The following MACROD1 variants were observed in gnomAD, a reference collection of about 807,000 sequenced individuals.
MACROD1 encodes ADP-ribose glycohydrolase MACROD1.
MACROD1 carries 31 observed loss-of-function variants against 41.4 expected under a neutral mutation model. That is an observed-to-expected ratio of 0.75 (90% CI 0.56 to 1.01). The LOEUF (loss-of-function observed/expected upper bound fraction) is 1.01. Among genes scored for constraint, MACROD1 ranks in the 50% least tolerant of loss-of-function variants. The probability of loss-of-function intolerance (pLI) is 0.00; values close to 1 mark genes in which losing one functional copy is unlikely to be tolerated. For missense variants in MACROD1, 473 were observed against 460.0 expected (o/e 1.03, Z -0.26); for synonymous variants, 252 against 203.4 (o/e 1.24, Z -2.03).
chr11:64,050,377 T>G (rs1299393380), intron 3 of MACROD1, among the ~76,000 whole-genome samples: 1 of 152,222 alleles, frequency 6.6e-6, no homozygotes, highest in African/African-American at 2.4e-5. Flanking sequence ...TAGGGGCAGC[T>G]GGACACGTAG....
chr11:64,164,084 G>T (rs1945797608), intron 1 of MACROD1, among the ~76,000 whole-genome samples: 1 of 152,216 alleles, frequency 6.6e-6, no homozygotes, highest in Admixed American at 6.5e-5. Flanking sequence ...TGTCTCAGCT[G>T]CTAGAACACA....
At position 64,000,207 on chromosome 11, in the gene MACROD1, G is replaced by C; in HGVS notation, c.664+20C>G. On this transcript the variant is annotated intron_variant, in intron 5 of 10. Coordinates refer to ENST00000255681, the MANE Select transcript of MACROD1 (RefSeq NM_014067.4). ...GCGCCCTGTCTGCGCCCCACAGCTG[G>C]GGGCGCGTCGGGGACTCACACTTGG... 1 of 1,594,762 alleles carries C rather than the reference G, an allele frequency of 6.3e-7. No homozygotes were observed. Among genetic ancestry groups the C allele is most frequent in the Non-Finnish European group, 8.5e-7 (1 of 1,169,630 alleles).
chr11:64,153,457 G>A (rs1328620110), intron 1 of MACROD1, among the ~76,000 whole-genome samples: 2 of 152,022 alleles, frequency 1.3e-5, no homozygotes, highest in African/African-American at 4.8e-5. Context: ...CTATGCACAT[G>A]GCAGTGAGGG....
At chr11:64,133,138 C>T (rs569925854) in intron 3 of MACROD1, among the ~76,000 whole-genome samples, 10 of 152,318 alleles carry the variant, frequency 6.6e-5, no homozygotes, top group Non-Finnish European at 1.0e-4. Context: ...CAGCCCCCAG[C>T]GCCTTGGATT....
chr11:64,100,880 G>A (rs1413982873), intron 3 of MACROD1, among the ~76,000 whole-genome samples: 1 of 152,194 alleles, frequency 6.6e-6, no homozygotes, highest in African/African-American at 2.4e-5. Context: ...CTGCAGCAGG[G>A]AAGGTGGACT....
Position 64,051,114 on chromosome 11 carries a change from G to T in MACROD1, c.518-35833C>A, listed in dbSNP as rs1943685853. Among the ~76,000 whole-genome samples the T allele has an allele frequency of 3.3e-5, 5 of 152,222 alleles. No individual in the cohort carries two copies. In the South Asian group the frequency reaches 8.3e-4, roughly 25 times the overall value. On this transcript the variant is annotated intron_variant, in intron 3 of 10. Transcript: ENST00000255681. The stretch of plus-strand genomic sequence containing the variant: ...CACTCCATGGATGCTGCCTGTGGGT[G>T]CAGCCCCCAAAGCCCCAGGTTTGAG...
At chr11:64,010,119 G>A (rs1216939230) in intron 4 of MACROD1, among the ~76,000 whole-genome samples, 6 of 137,224 alleles carry the variant, frequency 4.4e-5, no homozygotes, top group East Asian at 2.2e-4. Context: ...GTTGGCTGGG[G>A]TGTTGGTTGG....
Position 64,165,792 on chromosome 11 carries a change from G to A in MACROD1, c.203C>T (p.Ala68Val). 6 of 1,483,384 alleles carry A rather than the reference G, an allele frequency of 4.0e-6. No individual in the cohort carries two copies. The highest frequency in any genetic ancestry group is 5.4e-6 in the Non-Finnish European group (6 of 1,120,292). 91.9% of individuals were successfully genotyped at this position (1,483,384 alleles called of 1,614,324 possible). Residue 68 changes from alanine to valine, a missense_variant, in exon 1 of 11, where the codon GCG becomes GTG. Transcript: ENST00000255681. ...SAGVGAWGAA[A>V]VGRTAGVRTW... Reference sequence around the variant, plus strand: ...GCGCACCCCGGCTGTCCGCCCCACCGCCGCCGCCCCCCACGCCCCAACTCC... The same window carrying A: ...GCGCACCCCGGCTGTCCGCCCCACCACCGCCGCCCCCCACGCCCCAACTCC...
At chr11:64,150,427 C>A (rs1013671764) in intron 3 of MACROD1, among the ~76,000 whole-genome samples, 1 of 152,304 alleles carries the variant, frequency 6.6e-6, no homozygotes, top group South Asian at 2.1e-4. Flanking sequence ...GAGCCCAAGA[C>A]GAGAGGACCT....
intron 3 of MACROD1, among the ~76,000 whole-genome samples, chr11:64,115,496 A>C (rs1372770627): frequency 2.0e-5 from 3 of 152,086 alleles, no homozygotes; most frequent in Non-Finnish European, 4.4e-5. Flanking sequence ...ATGAAAAGAG[A>C]TTTCTGTAAA....
chr11:64,157,796 G>C (rs540099352), intron 1 of MACROD1, among the ~76,000 whole-genome samples: 1 of 152,350 alleles, frequency 6.6e-6, no homozygotes, highest in Admixed American at 6.5e-5. Flanking sequence ...GCTCCTCTCA[G>C]AGAGAATGCC....
intron 3 of MACROD1, among the ~76,000 whole-genome samples, chr11:64,100,602 A>G (rs1011222823): frequency 3.3e-5 from 5 of 152,088 alleles, no homozygotes; most frequent in Admixed American, 3.3e-4. Flanking sequence ...ACGCATTTAC[A>G]TATTTATTCT....
intron 3 of MACROD1, among the ~76,000 whole-genome samples, chr11:64,070,216 G>A (rs1302503552): frequency 2.0e-5 from 3 of 152,130 alleles, no homozygotes; most frequent in Admixed American, 1.3e-4. Context: ...GTGAATCCCT[G>A]CTGCACCAAG....
intron 3 of MACROD1, among the ~76,000 whole-genome samples, chr11:64,128,609 TCCC>T (rs1369141142): frequency 6.7e-6 from 1 of 148,356 alleles, no homozygotes; most frequent in Non-Finnish European, 1.5e-5. Flanking sequence ...AGGCCCTGTG[TCCC>T]CCCATCTCCC....
Position 64,165,967 on chromosome 11 carries a change from GGCC to G in MACROD1, c.25_27del (p.Gly9del), listed in dbSNP as rs1233530167. The G allele has an allele frequency of 2.3e-6, 3 of 1,296,126 alleles. No homozygotes were observed. The East Asian group carries it at 9.3e-5, about 40-fold the overall frequency. 80.3% of individuals were successfully genotyped at this position (1,296,126 alleles called of 1,614,324 possible). On this transcript the variant is annotated inframe_deletion, in exon 1 of 11. Coordinates refer to ENST00000255681, the MANE Select transcript of MACROD1 (RefSeq NM_014067.4). ...CCCGCCGCGCGCAGCTGTGCCAGGC[GGCC>G]GGACAGTCGGCTCTGTAGAGACATG...
intron 3 of MACROD1, among the ~76,000 whole-genome samples, chr11:64,143,835 C>T (rs1331098986): frequency 2.0e-5 from 3 of 150,338 alleles, no homozygotes; most frequent in Admixed American, 6.6e-5. Flanking sequence ...CGGCAAACCT[C>T]CCATCCCAGC....
intron 3 of MACROD1, among the ~76,000 whole-genome samples, chr11:64,079,398 G>A (rs1752658966): frequency 6.6e-6 from 1 of 151,532 alleles, no homozygotes; most frequent in Non-Finnish European, 1.5e-5. Flanking sequence ...GAAGGGGGTC[G>A]TTGGGGATGG....
At chr11:64,046,181 G>A (rs1190021598) in intron 3 of MACROD1, among the ~76,000 whole-genome samples, 3 of 152,178 alleles carry the variant, frequency 2.0e-5, no homozygotes, top group African/African-American at 4.8e-5. Context: ...CTGGCCTCCT[G>A]AGCCTCTGTT....
intron 3 of MACROD1, among the ~76,000 whole-genome samples, chr11:64,128,550 C>T (rs1012071670): frequency 6.6e-5 from 10 of 152,044 alleles, no homozygotes; most frequent in African/African-American, 1.9e-4. Flanking sequence ...GCACGCCGCC[C>T]GCCTGAGGTA....
Sources: allele counts gnomAD v4.1 joint callset (sites outside exome capture counted in the v4.1 genomes callset), GRCh38; gene constraint gnomAD v4.1.1; transcripts MANE v1.5; gene names NCBI Gene and HGNC (gene_info 2026-07-23, HGNC 2026-07-21).